The following GCNT2 variants were observed in gnomAD, a reference collection of about 807,000 sequenced individuals.
The protein encoded by GCNT2 is N-acetyllactosaminide beta-1,6-N-acetylglucosaminyl-transferase.
GCNT2 carries 34 observed loss-of-function variants against 34.2 expected under a neutral mutation model. The ratio of observed to expected loss-of-function variants is 1.00; its 90% CI spans 0.76 to 1.32. The LOEUF (loss-of-function observed/expected upper bound fraction) is 1.32, where lower values mean the gene tolerates loss of function less well. Among genes scored for constraint, GCNT2 ranks in the 40% most tolerant of loss-of-function variants. The probability of loss-of-function intolerance (pLI) is 0.00; values close to 1 mark genes in which losing one functional copy is unlikely to be tolerated. For missense variants in GCNT2, 584 were observed against 489.4 expected, an observed-to-expected ratio of 1.19 and a Z score of -1.82; for synonymous variants, 212 against 188.0, an observed-to-expected ratio of 1.13 and a Z score of -1.04.
chr6:10,621,304 T>G lies in GCNT2; in HGVS notation c.926-47T>G, dbSNP rs759610314. The stretch of plus-strand genomic sequence containing the variant: ...GCTTAATTGATGAAATTGATGCCCT[T>G]CTCTCATGACTCTCATCTCTACGCT... On this transcript the variant is annotated intron_variant, in intron 3 of 4. Coordinates refer to ENST00000495262, the MANE Select transcript of GCNT2 (RefSeq NM_145649.5). 6 of 1,209,604 alleles carry G rather than the reference T, an allele frequency of 5.0e-6. No homozygotes were observed. In the South Asian group the frequency reaches 7.5e-5, roughly 15 times the overall value. The allele number at this position is 1,209,604 out of a possible 1,614,324, so 74.9% of individuals were successfully genotyped here.
chr6:10,557,287 CA>C (rs750364516), intron 3 of GCNT2: 13 of 1,613,464 alleles, frequency 8.1e-6, no homozygotes, highest in African/African-American at 1.3e-5. Context: ...TCCAGTGGTC[CA>C]AGGACACTTT....
chr6:10,569,235 C>CCACACACACACACACACGCA (rs1763421762), intron 3 of GCNT2, among the ~76,000 whole-genome samples: 1 of 47,464 alleles, frequency 2.1e-5, no homozygotes, highest in African/African-American at 5.6e-5. Context: ...ACTCCCCCCG[C>CCACACACACACACACACGCA]CACACACACA....
chr6:10,626,827 G>A lies in GCNT2; in HGVS notation c.*220G>A. The A allele has an allele frequency of 5.3e-6, 3 of 563,046 alleles. No individual in the cohort carries two copies. Among genetic ancestry groups the A allele is most frequent in the Non-Finnish European group, 9.6e-6 (3 of 313,692 alleles). The allele number at this position is 563,046 out of a possible 1,614,324, so 34.9% of individuals were successfully genotyped here. ...AATCTGGGCACTTTGGCCAATTTTA[G>A]TCTTGCTGTTTCTTGATGCTCACCT... On this transcript the variant is annotated 3_prime_UTR_variant, in exon 5 of 5. Coordinates refer to ENST00000495262, the MANE Select transcript of GCNT2 (RefSeq NM_145649.5).
In GCNT2 at chr6:10,597,153, C is replaced by CTTTT. The variant is rs33945698; in HGVS notation, c.926-24181_926-24178dup. On this transcript the variant is annotated intron_variant, in intron 3 of 4. Transcript: ENST00000495262. ...GAATTTATTAGAAAGTAGGAATTGCCTTTTTTTTTTTTTTTTTTTTGAGAC... is the reference window on the plus strand; with the variant it reads ...GAATTTATTAGAAAGTAGGAATTGCCTTTTTTTTTTTTTTTTTTTTTTTTGAGAC... Among the ~76,000 whole-genome samples, 52 of 112,606 alleles carry CTTTT rather than the reference C, an allele frequency of 4.6e-4. 2 individuals are homozygous for CTTTT. The South Asian group carries it at 9.3e-3, about 20-fold the overall frequency. 73.9% of individuals were successfully genotyped at this position (112,606 alleles called of 152,430 possible). A position where few individuals can be genotyped will look rare whatever the true frequency, so the allele number is the denominator to read the frequency against.
chr6:10,607,262 A>G (rs77176627), intron 3 of GCNT2, among the ~76,000 whole-genome samples: 18,624 of 152,174 alleles, frequency 0.12, 1,759 homozygotes, highest in African/African-American at 0.26. Context: ...ACAGCAAGCA[A>G]AATCCTGGCA....
chr6:10,537,698 CAAAA>C (rs201257236), intron 3 of GCNT2, among the ~76,000 whole-genome samples: 20 of 83,196 alleles, frequency 2.4e-4, no homozygotes, highest in African/African-American at 9.3e-4. Context: ...GATTCTGCCG[CAAAA>C]AAAAAAAAAA....
rs150798605 is a variant in GCNT2, at chr6:10,568,636, A to C, written c.925+38800A>C. ...GTGTCAACAACTTATTGAATTATTC[A>C]GTATAGACATCTCAACATGGCAGGT... On this transcript the variant is annotated intron_variant, in intron 3 of 4. Coordinates refer to ENST00000495262, the MANE Select transcript of GCNT2 (RefSeq NM_145649.5). Among the ~76,000 whole-genome samples the C allele has an allele frequency of 3.9e-3, 595 of 152,316 alleles. 5 individuals are homozygous for C. Among genetic ancestry groups the C allele is most frequent in the African/African-American group, 0.014 (576 of 41,574 alleles).
intron 3 of GCNT2, among the ~76,000 whole-genome samples, chr6:10,551,006 C>T (rs114852455): frequency 4.8e-4 from 73 of 152,310 alleles, no homozygotes; most frequent in Non-Finnish European, 9.1e-4. Flanking sequence ...GTCACCCTCC[C>T]AGTGTTAAAC....
chr6:10,625,797 T>C (rs1410540109), intron 4 of GCNT2, among the ~76,000 whole-genome samples: 1 of 152,176 alleles, frequency 6.6e-6, no homozygotes, highest in African/African-American at 2.4e-5. Flanking sequence ...CTAAATATAC[T>C]TTGTTTTTCC....
At chr6:10,578,140 C>T (rs1763904581) in intron 3 of GCNT2, among the ~76,000 whole-genome samples, 2 of 151,984 alleles carry the variant, frequency 1.3e-5, no homozygotes, top group Non-Finnish European at 2.9e-5. Flanking sequence ...CCTGTAATCC[C>T]AGCACTTTGG....
At chr6:10,565,068 C>T (rs1030277881) in intron 3 of GCNT2, among the ~76,000 whole-genome samples, 4 of 152,282 alleles carry the variant, frequency 2.6e-5, no homozygotes, top group African/African-American at 9.6e-5. Context: ...GCCAGCCACG[C>T]ACTTGTGAAA....
intron 3 of GCNT2, among the ~76,000 whole-genome samples, chr6:10,608,072 A>C (rs1160945299): frequency 2.2e-5 from 3 of 138,564 alleles, no homozygotes; most frequent in East Asian, 2.0e-4. Flanking sequence ...AATGGTATGC[A>C]CTTTTTTTTT....
At chr6:10,551,604 C>G (rs980101899) in intron 3 of GCNT2, among the ~76,000 whole-genome samples, 2 of 151,898 alleles carry the variant, frequency 1.3e-5, no homozygotes, top group African/African-American at 4.8e-5. Flanking sequence ...ACCACCATGC[C>G]TGACTAACTT....
At chr6:10,582,575 T>C (rs984686433) in intron 3 of GCNT2, among the ~76,000 whole-genome samples, 1 of 138,156 alleles carries the variant, frequency 7.2e-6, no homozygotes, top group Non-Finnish European at 1.5e-5. Context: ...TATTTAAATA[T>C]ATATAAACTA....
intron 3 of GCNT2, among the ~76,000 whole-genome samples, chr6:10,615,940 C>T (rs1037096246): frequency 6.6e-6 from 1 of 152,188 alleles, no homozygotes; most frequent in Non-Finnish European, 1.5e-5. Context: ...TCAGCAAGGT[C>T]TTTATGACCT....
chr6:10,579,802 C>T (rs974029014), intron 3 of GCNT2, among the ~76,000 whole-genome samples: 7 of 128,938 alleles, frequency 5.4e-5, no homozygotes, highest in East Asian at 2.4e-4. Context: ...GGCCACAGAG[C>T]GAGACTCCAT....
Position 10,529,151 on chromosome 6 carries a change from A to T in GCNT2, c.240A>T (p.Arg80=), listed in dbSNP as rs1486647470. The change falls in exon 3 of 5, where the codon CGA becomes CGT. Residue 80 remains arginine (R), a synonymous_variant. Coordinates refer to ENST00000495262, the MANE Select transcript of GCNT2 (RefSeq NM_145649.5). ...DEATCYEYMV[R]SHYVTETLSE... The stretch of plus-strand genomic sequence containing the variant: ...CTACCTGCTATGAGTACATGGTTCG[A>T]AGCCACTATGTAACAGAAACACTCT... The T allele has an allele frequency of 1.2e-6, 2 of 1,613,978 alleles. No individual in the cohort carries two copies. Among genetic ancestry groups the T allele is most frequent in the East Asian group, 2.2e-5 (1 of 44,900 alleles).
chr6:10,617,858 A>G (rs1044459873), intron 3 of GCNT2, among the ~76,000 whole-genome samples: 1 of 148,962 alleles, frequency 6.7e-6, no homozygotes, highest in African/African-American at 2.5e-5. Flanking sequence ...AGGTTCAAAC[A>G]ATTCTTCTGC....
At position 10,528,686 on chromosome 6, in the gene GCNT2, C is replaced by G; in HGVS notation, c.-226C>G. The G allele has an allele frequency of 1.7e-6, 1 of 590,304 alleles. No homozygotes were observed. 36.6% of individuals were successfully genotyped at this position (590,304 alleles called of 1,614,324 possible). ...CAAGCCAAATGCAAAGGAGCCACTT[C>G]AGAAATGTGTCACAGAAAAGTGAAA... On this transcript the variant is annotated 5_prime_UTR_variant, in exon 3 of 5. Coordinates refer to ENST00000495262, the MANE Select transcript of GCNT2 (RefSeq NM_145649.5).
Sources: allele counts gnomAD v4.1 joint callset (sites outside exome capture counted in the v4.1 genomes callset), GRCh38; gene constraint gnomAD v4.1.1; transcripts MANE v1.5; gene names NCBI Gene and HGNC (gene_info 2026-07-23, HGNC 2026-07-21).